The following GGT7 variants were observed in gnomAD, a reference collection of about 807,000 sequenced individuals.
The protein encoded by GGT7 is gamma-glutamyltransferase 7.
In GGT7, 30 loss-of-function variants were observed where a neutral mutation model predicts 69.2. The observed-to-expected ratio is 0.43, with a 90% CI of 0.32 to 0.59. GGT7 has a LOEUF of 0.59. Among genes scored for constraint, GGT7 ranks in the 20% least tolerant of loss-of-function variants. GGT7 has a pLI of 0.05. For synonymous variants in GGT7, 388 were observed against 391.8 expected, an observed-to-expected ratio of 0.99 and a Z score of 0.12; for missense variants, 733 against 901.1, an observed-to-expected ratio of 0.81 and a Z score of 2.39.
chr20:34,872,742 G>A lies in GGT7; in HGVS notation c.74C>T (p.Thr25Ile). 1 of 1,503,136 alleles carries A rather than the reference G, an allele frequency of 6.7e-7. No individual in the cohort carries two copies. The highest frequency in any genetic ancestry group is 8.9e-7 in the Non-Finnish European group (1 of 1,128,858). 93.1% of individuals were successfully genotyped at this position (1,503,136 alleles called of 1,614,324 possible). The change falls in exon 1 of 15, where the codon ACC (threonine) becomes ATC (isoleucine). Residue 25 changes from threonine (T) to isoleucine (I), a missense_variant. Physicochemically the swap from Thr to Ile is moderately conservative, Grantham distance 89. Coordinates refer to ENST00000336431, the MANE Select transcript of GGT7 (RefSeq NM_178026.3). ...GTCCTCGGGCAGCCGCGGGAAGCTG[G>A]TGATGCTCATGTAGTCCACTGGCGA... ...AYSPVDYMSI[T>I]SFPRLPEDEP...
chr20:34,846,541 C>A (rs58423580), intron 14 of GGT7, among the ~76,000 whole-genome samples: 10,551 of 151,824 alleles, frequency 0.069, 1,225 homozygotes, highest in African/African-American at 0.24. Flanking sequence ...AACTCCTGAC[C>A]TCAGGTGATC....
rs1427532593 is a variant in GGT7 at position 34,850,823 on chromosome 20, A to C, written c.1725+408T>G. The C allele has an allele frequency of 5.6e-6, 3 of 533,714 alleles. No homozygotes were observed. In the Admixed American group the frequency reaches 5.8e-5, roughly 10 times the overall value. 33.1% of individuals were successfully genotyped at this position (533,714 alleles called of 1,614,324 possible). On this transcript the variant is annotated intron_variant, in intron 13 of 14. Transcript: ENST00000336431. Reference sequence around the variant, plus strand: ...TGCCTGGCATATATATCAGGTTCTCAAGACATTCATGGAGCCATTCTGAGG... The same window carrying C: ...TGCCTGGCATATATATCAGGTTCTCCAGACATTCATGGAGCCATTCTGAGG...
At position 34,845,152 on chromosome 20, in the gene GGT7, CACA is replaced by C. The variant is rs1568925580; in HGVS notation, c.*173_*175del. 2 of 548,758 alleles carry C rather than the reference CACA, an allele frequency of 3.6e-6. No individual in the cohort carries two copies. The highest frequency in any genetic ancestry group is 6.5e-6 in the Non-Finnish European group (2 of 308,030). 34.0% of individuals were successfully genotyped at this position (548,758 alleles called of 1,614,324 possible). On this transcript the variant is annotated 3_prime_UTR_variant, in exon 15 of 15. Transcript: ENST00000336431. ...CCACCACCACCACCACCACCACCAC[CACA>C]GGCCTCCTGATGGAGAATTTTCCAG...
At chr20:34,849,359 T>C (rs928593969) in intron 14 of GGT7, among the ~76,000 whole-genome samples, 8 of 105,266 alleles carry the variant, frequency 7.6e-5, no homozygotes, top group African/African-American at 2.1e-4. Context: ...GACGGGGGGG[T>C]GGAGGGGGGT....
In GGT7 at chr20:34,863,277, C is replaced by A; in HGVS notation, c.405+36G>T. The A allele has an allele frequency of 1.4e-6, 2 of 1,460,744 alleles. No individual in the cohort carries two copies. Among genetic ancestry groups the A allele is most frequent in the Non-Finnish European group, 1.9e-6 (2 of 1,051,460 alleles). The allele number at this position is 1,460,744 out of a possible 1,614,324, so 90.5% of individuals were successfully genotyped here. On this transcript the variant is annotated intron_variant, in intron 2 of 14. Transcript: ENST00000336431. The surrounding 1 kb of genome is among the most constrained non-coding windows in gnomAD (Gnocchi z 4.4). ...TCAAACATTACCCCACTCCCCACTCCCCAGTTTCCTCCCCCTCCCCATTTG... is the reference window on the plus strand; with the variant it reads ...TCAAACATTACCCCACTCCCCACTCACCAGTTTCCTCCCCCTCCCCATTTG...
At chr20:34,869,287 C>T (rs992407729) in intron 1 of GGT7, among the ~76,000 whole-genome samples, 1 of 152,154 alleles carries the variant, frequency 6.6e-6, no homozygotes, top group Admixed American at 6.6e-5. Flanking sequence ...CCCACCTCAG[C>T]CTCCCGAGTA....
chr20:34,871,473 T>G (rs1345329195), intron 1 of GGT7, among the ~76,000 whole-genome samples: 5 of 152,136 alleles, frequency 3.3e-5, no homozygotes, highest in Non-Finnish European at 7.4e-5. Context: ...CTTTGGAAAA[T>G]AAGTTTTGAT....
At chr20:34,852,756 C>G (rs1194325831) in intron 10 of GGT7, among the ~76,000 whole-genome samples, 1 of 152,176 alleles carries the variant, frequency 6.6e-6, no homozygotes, top group Non-Finnish European at 1.5e-5. Flanking sequence ...TTTCTGGAAC[C>G]AACTTTTATT....
At position 34,863,696 on chromosome 20, in the gene GGT7, G is replaced by A. The variant is rs2079641124; in HGVS notation, c.170-148C>T. On this transcript the variant is annotated intron_variant, in intron 1 of 14. Transcript: ENST00000336431. This position sits in a 1 kb window ranked among gnomAD's most constrained non-coding sequence, Gnocchi z 4.4. Reference sequence around the variant, plus strand: ...ACTACTCACCTTTCCTCATTTTCGCGTGCACCCCAGGACAGGCGGGGCAAC... The same window carrying A: ...ACTACTCACCTTTCCTCATTTTCGCATGCACCCCAGGACAGGCGGGGCAAC... The A allele has an allele frequency of 1.4e-6, 1 of 730,784 alleles. No homozygotes were observed. The highest frequency in any genetic ancestry group is 2.5e-6 in the Non-Finnish European group (1 of 398,272). 45.3% of individuals were successfully genotyped at this position (730,784 alleles called of 1,614,324 possible).
intron 1 of GGT7, among the ~76,000 whole-genome samples, chr20:34,864,853 G>A (rs2079663322): frequency 1.3e-5 from 2 of 151,936 alleles, no homozygotes; most frequent in African/African-American, 2.4e-5. Context: ...ATGGAGTTTC[G>A]CTCTTGTTGC....
At chr20:34,845,543 C>A in intron 14 of GGT7, 52 bp from the exon 15 acceptor site, 1 of 1,513,418 alleles carries the variant, frequency 6.6e-7, no homozygotes, top group Non-Finnish European at 9.1e-7. Context: ...AGCACTAGTT[C>A]AAGAGTCCTA....
At position 34,862,795 on chromosome 20, in the gene GGT7, G is replaced by T; in HGVS notation, c.557+19C>A. On this transcript the variant is annotated intron_variant, in intron 3 of 14. Coordinates refer to ENST00000336431, the MANE Select transcript of GGT7 (RefSeq NM_178026.3). ...GCAAGAAGTAGGCCTGGGGGACCCC[G>T]ACCTCCACTGCTCCTTACCCGCCCA... 11 of 1,613,614 alleles carry T rather than the reference G, an allele frequency of 6.8e-6. No homozygotes were observed. The highest frequency in any genetic ancestry group is 9.3e-6 in the Non-Finnish European group (11 of 1,179,742).
rs907377379 is a variant in GGT7 at position 34,864,060 on chromosome 20, G to A, written c.170-512C>T. Among the ~76,000 whole-genome samples the A allele has an allele frequency of 3.3e-5, 5 of 152,324 alleles. 1 individual carries two copies. Among genetic ancestry groups the A allele is most frequent in the Admixed American group, 3.3e-4 (5 of 15,308 alleles). ...AACAGATAGTTCCTGCCCTCATGTG[G>A]TTCATAGAGCCCTGGAAGAAAAAGC... On this transcript the variant is annotated intron_variant, in intron 1 of 14. Coordinates refer to ENST00000336431, the MANE Select transcript of GGT7 (RefSeq NM_178026.3).
At position 34,863,428 on chromosome 20, in the gene GGT7, G is replaced by C. The variant is rs769800267; in HGVS notation, c.290C>G (p.Ala97Gly). The C allele has an allele frequency of 6.2e-7, 1 of 1,613,490 alleles. No homozygotes were observed. Among genetic ancestry groups the C allele is most frequent in the Non-Finnish European group, 8.5e-7 (1 of 1,179,896 alleles). The change falls in exon 2 of 15, where the codon GCG (alanine) becomes GGG (glycine). Residue 97 changes from alanine (A) to glycine (G), a missense_variant. Physicochemically the swap from Ala to Gly is moderately conservative, Grantham distance 60 (BLOSUM62 0). Transcript: ENST00000336431. The surrounding 1 kb of genome is among the most constrained non-coding windows in gnomAD (Gnocchi z 4.4). ...ATCCTGGCGGCAGGAGCACTCGGCC[G>C]CTGCGGCGGAGAACGGGTCTTTGCG... ...ETRKDPFSAAAAECSCRQDGL... is the reference protein window; with the variant it reads ...ETRKDPFSAAGAECSCRQDGL...
intron 8 of GGT7, 83 bp downstream of exon 8, chr20:34,856,723 G>C: frequency 1.3e-6 from 1 of 772,016 alleles, no homozygotes; most frequent in Non-Finnish European, 2.3e-6. Context: ...GAAATGGAGA[G>C]GAGTCTCTAG....
chr20:34,869,468 G>A (rs879817448), intron 1 of GGT7, among the ~76,000 whole-genome samples: 10 of 152,136 alleles, frequency 6.6e-5, no homozygotes, highest in Non-Finnish European at 1.2e-4. Context: ...CACTATGCCC[G>A]GCAGAATCAC....
intron 11 of GGT7, 36 bp downstream of exon 11, chr20:34,852,353 T>C: frequency 1.2e-6 from 2 of 1,604,776 alleles, no homozygotes; most frequent in Non-Finnish European, 8.5e-7. Context: ...GTTCAGAGGA[T>C]CCCTTGTTCC....
chr20:34,851,184 C>T (rs770766821), intron 13 of GGT7, 47 bp downstream of exon 13: 2 of 1,606,054 alleles, frequency 1.2e-6, no homozygotes, highest in African/African-American at 1.3e-5. Flanking sequence ...GTCTAGGCCA[C>T]AGCTTGGCTC....
rs1601238291 is a variant in GGT7, at chr20:34,861,223, C to T, written c.675+222G>A. 15 of 371,534 alleles carry T rather than the reference C, an allele frequency of 4.0e-5. No individual in the cohort carries two copies. The East Asian group carries it at 5.9e-4, about 15-fold the overall frequency. The allele number at this position is 371,534 out of a possible 1,614,324, so 23.0% of individuals were successfully genotyped here. A position where few individuals can be genotyped will look rare whatever the true frequency, so the allele number is the denominator to read the frequency against. On this transcript the variant is annotated intron_variant, in intron 4 of 14. Coordinates refer to ENST00000336431, the MANE Select transcript of GGT7 (RefSeq NM_178026.3). ...ACTCAGTAGCCTTTTTTCTTCCTTC[C>T]CACGTGCCAGATAGGTAAGATTCCC...
Sources: gnomAD v4.1 joint callset for allele counts (sites outside exome capture counted in the v4.1 genomes callset) on GRCh38, gnomAD v4.1.1 for gene constraint, Gnocchi (gnomAD v3.1) non-coding constraint, MANE v1.5 for transcripts, NCBI Gene and HGNC (gene_info 2026-07-23, HGNC 2026-07-21) for gene names.